USP9X: variants seen among roughly 807,000 people sequenced by gnomAD.
The protein encoded by USP9X is ubiquitin carboxyl-terminal hydrolase 9X.
A neutral mutation model predicts 190.3 loss-of-function variants in USP9X; 7 were observed. The observed-to-expected ratio is 0.04, with a 90% confidence interval of 0.02 to 0.07. USP9X has a LOEUF of 0.07. USP9X is among the 10% of genes least tolerant of loss of function. The pLI is 1.00. For synonymous variants in USP9X, 645 were observed against 659.5 expected (o/e 0.98, Z 0.34); for missense variants, 1,010 against 1,916.9 (o/e 0.53, Z 8.83).
At chrX:41,157,069 C>G (rs1315376444) in intron 14 of USP9X, among the ~76,000 whole-genome samples, 2 of 111,909 alleles carry the variant, frequency 1.8e-5, no homozygotes, top group Non-Finnish European at 3.8e-5. Flanking sequence ...TGAAAACATT[C>G]CCCAAGCTTC....
intron 14 of USP9X, among the ~76,000 whole-genome samples, chrX:41,157,653 C>T (rs1310126442): frequency 1.8e-5 from 2 of 111,224 alleles, no homozygotes; most frequent in African/African-American, 6.5e-5. Flanking sequence ...AGCAAGCAAA[C>T]GGGTGGGGGA....
intron 21 of USP9X, among the ~76,000 whole-genome samples, chrX:41,178,484 G>A (rs1159160061): frequency 9.0e-6 from 1 of 111,134 alleles, no homozygotes; most frequent in African/African-American, 3.3e-5. Flanking sequence ...GATTAGTTAT[G>A]TTGAGTGTGC....
At chrX:41,152,460 C>G (rs907170537) in intron 13 of USP9X, among the ~76,000 whole-genome samples, 2 of 111,191 alleles carry the variant, frequency 1.8e-5, no homozygotes, top group African/African-American at 6.5e-5. Context: ...ACAGATGAGT[C>G]TTTGTGGTGA....
At chrX:41,173,894 G>A (rs1431418329) in intron 21 of USP9X, among the ~76,000 whole-genome samples, 1 of 112,118 alleles carries the variant, frequency 8.9e-6, no homozygotes, top group African/African-American at 3.2e-5. Context: ...CTAATACAAT[G>A]TACAGTTAGG....
chrX:41,198,525 TAG>T lies in USP9X; in HGVS notation c.4381-2_4381-1del. 1.7e-6 allele frequency: 2 copies of T among 1,192,644 alleles called. No homozygotes were observed. The highest frequency in any genetic ancestry group is 2.2e-5 in the Admixed American group (1 of 44,942). On this transcript the variant is annotated splice_acceptor_variant, in intron 29 of 44. Coordinates refer to ENST00000378308, the MANE Select transcript of USP9X (RefSeq NM_001039591.3). LOFTEE classifies it high-confidence loss of function. ...ATATGTAATCCCTTTTTCAACTTTT[TAG>T]GAATTAATTGATGATTTCATATTTC...
At chrX:41,223,670 C>G (rs750310574) in intron 39 of USP9X, among the ~76,000 whole-genome samples, 34 of 111,484 alleles carry the variant, frequency 3.0e-4, no homozygotes, top group Non-Finnish European at 5.7e-4. Flanking sequence ...CTCCTGACCT[C>G]AGGTGATCTG....
Position 41,216,389 on chromosome X carries a change from G to A in USP9X, c.5822G>A (p.Arg1941His), listed in dbSNP as rs374231846. The change falls in exon 35 of 45, where the codon CGC becomes CAC. Residue 1941 changes from arginine (R) to histidine (H), a missense_variant. Arg to His is a conservative substitution (Grantham distance 29). Transcript: ENST00000378308. Reference sequence around the variant, plus strand: ...ATGATGAAGCGTATGTCATACAGGCGCCAGAAAAGGTGGTGGAATGCTTAT... The same window carrying A: ...ATGATGAAGCGTATGTCATACAGGCACCAGAAAAGGTGGTGGAATGCTTAT... ...DHMMKRMSYR[R>H]QKRWWNAYIL... is the part of the protein sequence containing the mutation. 1.7e-6 allele frequency: 2 copies of A among 1,209,490 alleles called. No homozygotes were observed. Among genetic ancestry groups the A allele is most frequent in the Non-Finnish European group, 2.2e-6 (2 of 895,198 alleles).
intron 32 of USP9X, 60 bp from the exon 33 acceptor site, chrX:41,210,449 G>T: frequency 8.9e-7 from 1 of 1,121,710 alleles, no homozygotes; most frequent in East Asian, 3.0e-5. Context: ...GAAAAATATA[G>T]TTGTACATAT....
At chrX:41,098,597 G>C (rs1049853445) in intron 1 of USP9X, among the ~76,000 whole-genome samples, 2 of 110,139 alleles carry the variant, frequency 1.8e-5, no homozygotes, top group Non-Finnish European at 3.8e-5. Context: ...TTGCTCTGTT[G>C]CCCAGGCTGG....
At chrX:41,193,932 A>G (rs943727398) in intron 26 of USP9X, among the ~76,000 whole-genome samples, 11 of 112,248 alleles carry the variant, frequency 9.8e-5, no homozygotes, top group Non-Finnish European at 1.7e-4. Flanking sequence ...GGGAAGTTCT[A>G]TCGGGTATTC....
chrX:41,225,955 A>G (rs2063308585), intron 41 of USP9X, among the ~76,000 whole-genome samples: 1 of 112,577 alleles, frequency 8.9e-6, no homozygotes, highest in Non-Finnish European at 1.9e-5. Context: ...ATACACCATG[A>G]AGAAGGACAC....
intron 33 of USP9X, among the ~76,000 whole-genome samples, chrX:41,213,139 T>C (rs772653173): frequency 3.0e-4 from 33 of 111,101 alleles, no homozygotes; most frequent in Non-Finnish European, 5.7e-4. Flanking sequence ...ACTAGTCTTA[T>C]TTTTTTAACT....
chrX:41,117,810 T>C (rs1299565893), intron 1 of USP9X, among the ~76,000 whole-genome samples: 2 of 109,362 alleles, frequency 1.8e-5, no homozygotes, highest in African/African-American at 6.7e-5. Flanking sequence ...CCGCACACCT[T>C]GGCCTCCAGA....
intron 1 of USP9X, among the ~76,000 whole-genome samples, chrX:41,099,096 GTTTTTT>G (rs34179321): frequency 0.042 from 1,866 of 44,256 alleles, 142 homozygotes; most frequent in African/African-American, 0.18. Context: ...CCAGATAATT[GTTTTTT>G]TTTTTTTTTT....
chrX:41,188,475 T>G (rs1174013656), intron 25 of USP9X, among the ~76,000 whole-genome samples: 1 of 112,424 alleles, frequency 8.9e-6, no homozygotes, highest in Non-Finnish European at 1.9e-5. Context: ...TTAAGTATTT[T>G]TATTTGATTG....
chrX:41,211,766 T>C, intron 33 of USP9X, among the ~76,000 whole-genome samples: 1 of 106,904 alleles, frequency 9.4e-6, no homozygotes, highest in Non-Finnish European at 1.9e-5. Context: ...GAGGGGTGCC[T>C]CTGCCCGGCC....
intron 1 of USP9X, among the ~76,000 whole-genome samples, chrX:41,107,093 C>T (rs1475885123): frequency 1.8e-5 from 2 of 108,568 alleles, no homozygotes; most frequent in Non-Finnish European, 3.8e-5. Flanking sequence ...ACAATGTTGG[C>T]CAGGCTGGTC....
intron 1 of USP9X, among the ~76,000 whole-genome samples, chrX:41,092,694 T>G (rs1190837397): frequency 1.8e-5 from 2 of 110,919 alleles, no homozygotes; most frequent in African/African-American, 6.6e-5. Context: ...AACAATTTGG[T>G]GTGTGTGTGT....
At chrX:41,220,783 A>T (rs1408765376) in intron 38 of USP9X, among the ~76,000 whole-genome samples, 1 of 106,040 alleles carries the variant, frequency 9.4e-6, no homozygotes, top group African/African-American at 3.5e-5. Flanking sequence ...GCGAAACCCC[A>T]TCTCTACTTA....
Sources: gnomAD v4.1 joint callset for allele counts (sites outside exome capture counted in the v4.1 genomes callset) on GRCh38, gnomAD v4.1.1 for gene constraint, MANE v1.5 for transcripts, NCBI Gene and HGNC (gene_info 2026-07-23, HGNC 2026-07-21) for gene names.